CCT6A: variants seen among roughly 807,000 people sequenced by gnomAD.
CCT6A encodes the protein chaperonin containing TCP1 subunit 6A.
CCT6A carries 6 observed loss-of-function variants against 58.6 expected under a neutral mutation model. That is an observed-to-expected ratio of 0.10 (90% CI 0.06 to 0.20). The LOEUF is 0.20. Ranked by LOEUF, CCT6A falls within the 10% of genes least tolerant of loss-of-function variation. The pLI is 1.00. For missense variants in CCT6A, 516 were observed against 648.8 expected (o/e 0.80, Z 2.22); for synonymous variants, 245 against 227.8 (o/e 1.08, Z -0.68).
chr7:56,057,935 A>G, intron 5 of CCT6A, 58 bp from the exon 6 acceptor site: 1 of 895,906 alleles, frequency 1.1e-6, no homozygotes, highest in South Asian at 1.3e-5. Context: ...TTCAGTGTTT[A>G]ATATATTAAA....
chr7:56,058,624 T>G lies in CCT6A; in HGVS notation c.890T>G (p.Ile297Ser). ...KGFVVINQKG[I>S]DPFSLDALSK... Reference sequence around the variant, plus strand: ...TAATTTTTATTTTTGTTACAGGGAATTGACCCCTTTTCCTTAGATGCTCTT... The same window carrying G: ...TAATTTTTATTTTTGTTACAGGGAAGTGACCCCTTTTCCTTAGATGCTCTT... The change falls in exon 8 of 14, where the codon ATT becomes AGT. Residue 297 changes from isoleucine to serine, a missense_variant. This residue lies in a region of CCT6A where 315 missense variants were observed against 389.4 expected (regional missense o/e 0.81). Coordinates refer to ENST00000275603, the MANE Select transcript of CCT6A (RefSeq NM_001762.4). 1 of 1,605,022 alleles carries G rather than the reference T, an allele frequency of 6.2e-7. No individual in the cohort carries two copies. The highest frequency in any genetic ancestry group is 8.5e-7 in the Non-Finnish European group (1 of 1,172,786).
At chr7:56,053,297 A>G (rs1794226271) in intron 2 of CCT6A, among the ~76,000 whole-genome samples, 1 of 152,216 alleles carries the variant, frequency 6.6e-6, no homozygotes, top group African/African-American at 2.4e-5. Context: ...TTGAGTTCAG[A>G]ATAATATGTA....
chr7:56,051,952 G>A lies in CCT6A; in HGVS notation c.104G>A (p.Arg35Lys). The A allele has an allele frequency of 6.5e-7, 1 of 1,542,108 alleles. No individual in the cohort carries two copies. The highest frequency in any genetic ancestry group is 1.2e-5 in the South Asian group (1 of 83,640). The change falls in exon 1 of 14, where the codon AGG becomes AAG. Residue 35 changes from arginine (R) to lysine (K), a missense_variant. By Grantham distance (26) the Arg-to-Lys change is conservative (BLOSUM62 2). Coordinates refer to ENST00000275603, the MANE Select transcript of CCT6A (RefSeq NM_001762.4). ...GCGCGGGGTCTGCAGGACGTGCTAA[G>A]GACCAACCTGGGGCCCAAGGGCACC... ...SAARGLQDVL[R>K]TNLGPKGTMK...
In CCT6A at chr7:56,051,786, C is replaced by G; in HGVS notation, c.-63C>G. On this transcript the variant is annotated 5_prime_UTR_variant, in exon 1 of 14. Transcript: ENST00000275603. ...TTCCAGAAGACCCGGATAGTTCCTCCCGGCCACGCCGCGCCGGCTCTGGGC... is the reference window on the plus strand; with the variant it reads ...TTCCAGAAGACCCGGATAGTTCCTCGCGGCCACGCCGCGCCGGCTCTGGGC... 1.3e-6 allele frequency: 2 copies of G among 1,531,904 alleles called. No homozygotes were observed. Among genetic ancestry groups the G allele is most frequent in the South Asian group, 1.2e-5 (1 of 83,248 alleles). The allele number at this position is 1,531,904 out of a possible 1,614,324, so 94.9% of individuals were successfully genotyped here.
In CCT6A at chr7:56,051,875, C is replaced by T. The variant is rs1794078537; in HGVS notation, c.27C>T (p.Pro9=). The change falls in exon 1 of 14, where the codon CCC becomes CCT. Residue 9 remains proline, a synonymous_variant. Coordinates refer to ENST00000275603, the MANE Select transcript of CCT6A (RefSeq NM_001762.4). The part of the protein sequence containing the change: MAAVKTLN[P]KAEVARAQAA... Reference sequence around the variant, plus strand: ...TGGCGGCGGTGAAGACCCTGAACCCCAAGGCCGAGGTGGCCCGAGCGCAGG... The same window carrying T: ...TGGCGGCGGTGAAGACCCTGAACCCTAAGGCCGAGGTGGCCCGAGCGCAGG... The T allele has an allele frequency of 1.3e-6, 2 of 1,561,020 alleles. No homozygotes were observed. Among genetic ancestry groups the T allele is most frequent in the African/African-American group, 1.4e-5 (1 of 73,116 alleles).
At chr7:56,057,038 G>A (rs1374951781) in intron 5 of CCT6A, among the ~76,000 whole-genome samples, 1 of 151,914 alleles carries the variant, frequency 6.6e-6, no homozygotes, top group Non-Finnish European at 1.5e-5. Context: ...CTCGTGATCC[G>A]CCCACCTCGG....
At chr7:56,057,627 T>G (rs1179933919) in intron 5 of CCT6A, among the ~76,000 whole-genome samples, 1 of 152,162 alleles carries the variant, frequency 6.6e-6, no homozygotes, top group African/African-American at 2.4e-5. Context: ...ATGCCTGTAA[T>G]CCCAGCACTT....
intron 3 of CCT6A, among the ~76,000 whole-genome samples, chr7:56,055,135 G>A (rs1402610517): frequency 6.6e-5 from 10 of 152,184 alleles, no homozygotes; most frequent in Non-Finnish European, 1.0e-4. Context: ...TTAGCCAGGC[G>A]TGGTGGTGCA....
At chr7:56,062,484 C>G in intron 12 of CCT6A, 199 bp from the exon 13 acceptor site, 1 of 615,996 alleles carries the variant, frequency 1.6e-6, no homozygotes, top group South Asian at 1.9e-5. Context: ...GTGTTCAGGA[C>G]TTCTAAGTAT....
chr7:56,054,455 C>T lies in CCT6A; in HGVS notation c.288C>T (p.Val96=), dbSNP rs562387995. 1 of 1,613,298 alleles carries T rather than the reference C, an allele frequency of 6.2e-7. No homozygotes were observed. The highest frequency in any genetic ancestry group is 8.5e-7 in the Non-Finnish European group (1 of 1,179,684). The change falls in exon 3 of 14, where the codon GTC becomes GTT. Residue 96 remains valine (V), a synonymous_variant. Coordinates refer to ENST00000275603, the MANE Select transcript of CCT6A (RefSeq NM_001762.4). ...CTGGTGATGGTACGACTTCTAATGT[C>T]CTAATCATTGGAGAGCTGCTGAAAC... ...DITGDGTTSN[V]LIIGELLKQA... is the part of the protein sequence containing the mutation.
intron 3 of CCT6A, 113 bp from the exon 4 acceptor site, chr7:56,055,511 C>CATTTTTT (rs1172072253): frequency 5.8e-6 from 5 of 857,086 alleles, no homozygotes; most frequent in Admixed American, 4.1e-5. Context: ...TATATTACCT[C>CATTTTTT]GTGTTCAAAG....
At chr7:56,058,126 G>A in intron 6 of CCT6A, 23 bp downstream of exon 6, 4 of 1,293,564 alleles carry the variant, frequency 3.1e-6, no homozygotes, top group Non-Finnish European at 4.5e-6. Context: ...CCCCTTAACA[G>A]TGAAATGGAG....
chr7:56,054,926 C>G (rs1291947115), intron 3 of CCT6A, among the ~76,000 whole-genome samples: 3 of 152,166 alleles, frequency 2.0e-5, no homozygotes, highest in Admixed American at 2.0e-4. Flanking sequence ...AGAAAGAGAA[C>G]AGTCTTTATT....
chr7:56,059,824 G>A (rs1423967985), intron 9 of CCT6A, 184 bp downstream of exon 9: 1 of 529,420 alleles, frequency 1.9e-6, no homozygotes, highest in East Asian at 3.2e-5. Flanking sequence ...GAGCAGGTGG[G>A]ACCACAGACG....
In CCT6A at chr7:56,062,711, C is replaced by T. The variant is rs746684314; in HGVS notation, c.1479C>T (p.Gly493=). ...TGEPMVAAEV[G]VWDNYCVKKQ... is the part of the protein sequence containing the mutation. Reference sequence around the variant, plus strand: ...AGCCAATGGTGGCAGCAGAAGTAGGCGTATGGGATAACTATTGTGTAAAGA... The same window carrying T: ...AGCCAATGGTGGCAGCAGAAGTAGGTGTATGGGATAACTATTGTGTAAAGA... Residue 493 remains glycine (G), a synonymous_variant, in exon 13 of 14, where the codon GGC becomes GGT. Transcript: ENST00000275603. The T allele has an allele frequency of 1.2e-5, 20 of 1,613,638 alleles. No homozygotes were observed. In the African/African-American group the frequency reaches 1.6e-4, roughly 13 times the overall value.
rs1178825809 is a variant in CCT6A, at chr7:56,055,802, G to A, written c.510+5G>A. On this transcript the variant is annotated splice_donor_5th_base_variant and intron_variant, in intron 4 of 13. Coordinates refer to ENST00000275603, the MANE Select transcript of CCT6A (RefSeq NM_001762.4). ...CTTGCAGATGTCTTAACAGAGGTAT[G>A]TATTAAATTTTGTCTATGTCTGGTA... is the stretch of plus-strand genomic sequence containing the variant. 7 of 1,609,800 alleles carry A rather than the reference G, an allele frequency of 4.3e-6. 1 individual carries two copies. In the African/African-American group the frequency reaches 5.3e-5, roughly 12 times the overall value.
intron 10 of CCT6A, 182 bp downstream of exon 10, chr7:56,060,598 C>G (rs1480037733): frequency 2.1e-6 from 2 of 933,640 alleles, no homozygotes; most frequent in Admixed American, 1.7e-5. Context: ...AAGGTGAATA[C>G]AAATAAATGA....
At position 56,053,573 on chromosome 7, in the gene CCT6A, T is replaced by G. The variant is rs564327509; in HGVS notation, c.202-796T>G. ...TCACGACCAGCCCTGGCCAACATGG[T>G]TAAAACTCCGACTCAGCTAAAAATA... is the stretch of plus-strand genomic sequence containing the variant. On this transcript the variant is annotated intron_variant, in intron 2 of 13. Transcript: ENST00000275603. Among the ~76,000 whole-genome samples, 298 of 152,174 alleles carry G rather than the reference T, an allele frequency of 2.0e-3. 1 individual carries two copies. The highest frequency in any genetic ancestry group is 3.5e-3 in the Non-Finnish European group (240 of 67,986).
rs748720687 is a variant in CCT6A at position 56,060,373 on chromosome 7, A to G, written c.1170A>G (p.Ala390=). 1.9e-6 allele frequency: 3 copies of G among 1,614,002 alleles called. No individual in the cohort carries two copies. In the African/African-American group the frequency reaches 4.0e-5, roughly 22 times the overall value. Residue 390 remains alanine (A), a synonymous_variant, in exon 10 of 14, where the codon GCA becomes GCG. Transcript: ENST00000275603. ...ACACACTCACTCAGATCAAAGATGC[A>G]GTGAGGGACGGCTTGAGGGCTGTCA... ...NKHTLTQIKD[A]VRDGLRAVKN... is the part of the protein sequence containing the mutation.
Sources: allele counts gnomAD v4.1 joint callset (sites outside exome capture counted in the v4.1 genomes callset), GRCh38; gene constraint gnomAD v4.1.1; regional missense constraint gnomAD v4.1.1; transcripts MANE v1.5; gene names NCBI Gene and HGNC (gene_info 2026-07-23, HGNC 2026-07-21).